The following HSPH1 variants were observed in gnomAD, a reference collection of about 807,000 sequenced individuals.
HSPH1 encodes heat shock protein 105 kDa.
In HSPH1, 40 loss-of-function variants were observed where a neutral mutation model predicts 100.0. That is an observed-to-expected ratio of 0.40 (90% CI 0.31 to 0.52). The LOEUF (loss-of-function observed/expected upper bound fraction) is 0.52, where lower values mean the gene tolerates loss of function less well. Ranked by LOEUF, HSPH1 falls within the 20% of genes least tolerant of loss-of-function variation. The probability of loss-of-function intolerance (pLI) is 0.54; values close to 1 mark genes in which losing one functional copy is unlikely to be tolerated. For missense variants in HSPH1, 876 were observed against 1,015.1 expected (o/e 0.86, Z 1.86); for synonymous variants, 403 against 344.0 (o/e 1.17, Z -1.90).
At chr13:31,150,208 G>A (rs1252682758) in intron 7 of HSPH1, 26 bp from the exon 8 acceptor site, 2 of 1,464,858 alleles carry the variant, frequency 1.4e-6, no homozygotes, top group Non-Finnish European at 9.3e-7. Context: ...CTTGTTTTTA[G>A]AAAAGTTAAG....
intron 12 of HSPH1, among the ~76,000 whole-genome samples, chr13:31,143,220 G>C (rs1020934451): frequency 6.6e-6 from 1 of 152,042 alleles, no homozygotes. Flanking sequence ...AATCTTAAAG[G>C]TTTGATTACA....
intron 12 of HSPH1, among the ~76,000 whole-genome samples, chr13:31,141,793 CACATACAT>C (rs200339584): frequency 1.4e-5 from 1 of 73,758 alleles, no homozygotes; most frequent in Non-Finnish European, 3.0e-5. Context: ...ATACTCCATA[CACATACAT>C]ACACACACAC....
chr13:31,157,154 T>A (rs1187942167), intron 2 of HSPH1, among the ~76,000 whole-genome samples: 1 of 152,248 alleles, frequency 6.6e-6, no homozygotes, highest in East Asian at 1.9e-4. Context: ...AAATTCCTTA[T>A]GTGTCTAAAA....
rs1208201896 is a variant in HSPH1 at position 31,136,661 on chromosome 13, A to G, written c.*657T>C. 2.6e-5 allele frequency: 4 copies of G among 152,688 alleles called. No individual in the cohort carries two copies. The highest frequency in any genetic ancestry group is 4.4e-5 in the Non-Finnish European group (3 of 68,068). The allele number at this position is 152,688 out of a possible 1,614,324, so 9.5% of individuals were successfully genotyped here. On this transcript the variant is annotated 3_prime_UTR_variant, in exon 18 of 18. Coordinates refer to ENST00000320027, the MANE Select transcript of HSPH1 (RefSeq NM_006644.4). ...CACCATAAGATGAACTTTATTTTAA[A>G]GCTCATAAAAGTGTTCACAATCAGT...
Position 31,139,191 on chromosome 13 carries a change from T to C in HSPH1, c.1981-84A>G, listed in dbSNP as rs138883980. ...AACAAAGAGGTATTCTCACACTAGG[T>C]AGCTAATCTTATCTAGGAAGGCACT... On this transcript the variant is annotated intron_variant, in intron 14 of 17. Transcript: ENST00000320027. 653 of 845,318 alleles carry C rather than the reference T, an allele frequency of 7.7e-4. 1 individual carries two copies. The African/African-American group carries it at 9.5e-3, about 12-fold the overall frequency. The allele number at this position is 845,318 out of a possible 1,614,324, so 52.4% of individuals were successfully genotyped here. A position where few individuals can be genotyped will look rare whatever the true frequency, so the allele number is the denominator to read the frequency against.
At chr13:31,146,299 C>T (rs1956264236) in intron 10 of HSPH1, among the ~76,000 whole-genome samples, 1 of 152,144 alleles carries the variant, frequency 6.6e-6, no homozygotes, top group South Asian at 2.1e-4. Context: ...AAAATATATA[C>T]ACTTGAAATT....
At chr13:31,157,868 A>ATTTTAGGAACT (rs1956754718) in intron 2 of HSPH1, among the ~76,000 whole-genome samples, 1 of 152,230 alleles carries the variant, frequency 6.6e-6, no homozygotes, top group Non-Finnish European at 1.5e-5. Flanking sequence ...AGGCCAATAT[A>ATTTTAGGAACT]TTTTAGGAAC....
At chr13:31,151,479 C>T in intron 6 of HSPH1, 130 bp downstream of exon 6, 1 of 857,184 alleles carries the variant, frequency 1.2e-6, no homozygotes, top group Non-Finnish European at 1.7e-6. Context: ...GCAACCGTTT[C>T]CTGTTAACAT....
chr13:31,147,637 C>T (rs865802005), intron 10 of HSPH1, among the ~76,000 whole-genome samples: 3 of 152,114 alleles, frequency 2.0e-5, no homozygotes, highest in East Asian at 1.9e-4. Flanking sequence ...ATTAAAAGCA[C>T]GGATAATCCT....
intron 2 of HSPH1, among the ~76,000 whole-genome samples, chr13:31,156,853 TTGTAA>T (rs1956717278): frequency 6.6e-6 from 1 of 152,226 alleles, no homozygotes; most frequent in Non-Finnish European, 1.5e-5. Context: ...TGTTAAACTG[TTGTAA>T]AAGATGGTGT....
intron 10 of HSPH1, among the ~76,000 whole-genome samples, chr13:31,146,944 A>C (rs1566002810): frequency 6.6e-6 from 1 of 152,210 alleles, no homozygotes. Context: ...CTATAGATTT[A>C]ATTACAATGT....
rs1955892386 is a variant in HSPH1 at position 31,136,686 on chromosome 13, T to G, written c.*632A>C. The stretch of plus-strand genomic sequence containing the variant: ...AGCTCATAAAAGTGTTCACAATCAG[T>G]TACAACAGGATCGACATTTCTTCCA... On this transcript the variant is annotated 3_prime_UTR_variant, in exon 18 of 18. Transcript: ENST00000320027. 1 of 153,104 alleles carries G rather than the reference T, an allele frequency of 6.5e-6. No homozygotes were observed. Among genetic ancestry groups the G allele is most frequent in the South Asian group, 2.1e-4 (1 of 4,844 alleles). 9.5% of individuals were successfully genotyped at this position (153,104 alleles called of 1,614,324 possible).
In HSPH1 at chr13:31,154,698, A is replaced by G. The variant is rs1201078674; in HGVS notation, c.364T>C (p.Leu122=). 1 of 1,613,852 alleles carries G rather than the reference A, an allele frequency of 6.2e-7. No homozygotes were observed. Among genetic ancestry groups the G allele is most frequent in the Non-Finnish European group, 8.5e-7 (1 of 1,179,738 alleles). Residue 122 remains leucine, a synonymous_variant, in exon 4 of 18, where the codon TTG becomes CTG. Transcript: ENST00000320027. ...FSVEQITAML[L]TKLKETAENS... ...TCAGCAGTTTCCTTCAGCTTAGTCA[A>G]CAACATGGCTGTTATCTGCTCCACA...
chr13:31,149,902 T>A, intron 8 of HSPH1, 52 bp downstream of exon 8: 3 of 1,396,144 alleles, frequency 2.1e-6, no homozygotes, highest in Non-Finnish European at 3.1e-6. Context: ...CGACATCCAG[T>A]GGAAACTGTT....
intron 12 of HSPH1, among the ~76,000 whole-genome samples, chr13:31,141,853 T>C (rs1411477617): frequency 2.6e-5 from 4 of 151,654 alleles, no homozygotes; most frequent in Admixed American, 2.0e-4. Context: ...ACCTTTGAAT[T>C]GTATCATTTC....
rs557646226 is a variant in HSPH1 at position 31,155,484 on chromosome 13, T to C, written c.306+30A>G. ...GTATTTTTAAGTATTAATAAGTTGGTATTTTTCTAAGGTTGCTCAATTATA... is the reference window on the plus strand; with the variant it reads ...GTATTTTTAAGTATTAATAAGTTGGCATTTTTCTAAGGTTGCTCAATTATA... On this transcript the variant is annotated intron_variant, in intron 3 of 17. Coordinates refer to ENST00000320027, the MANE Select transcript of HSPH1 (RefSeq NM_006644.4). 2.5e-5 allele frequency: 39 copies of C among 1,547,698 alleles called. No individual in the cohort carries two copies. The East Asian group carries it at 6.8e-4, about 27-fold the overall frequency.
chr13:31,149,925 A>T (rs779764941), intron 8 of HSPH1, 29 bp downstream of exon 8: 1 of 1,566,078 alleles, frequency 6.4e-7, no homozygotes, highest in Non-Finnish European at 8.8e-7. Context: ...AAGACTGTAC[A>T]CCAAGCAAAA....
Position 31,152,884 on chromosome 13 carries a change from T to A in HSPH1, c.497A>T (p.Asn166Ile). The A allele has an allele frequency of 1.2e-6, 2 of 1,612,572 alleles. No individual in the cohort carries two copies. The highest frequency in any genetic ancestry group is 1.7e-6 in the Non-Finnish European group (2 of 1,178,776). ...VLDAAQIVGL[N>I]CLRLMNDMTA... ...CATGTCATTCATAAGTCTTAAACAG[T>A]TTAGGCCAACAATCTGTGCAGCATC... is the stretch of plus-strand genomic sequence containing the variant. Residue 166 changes from asparagine to isoleucine, a missense_variant, in exon 5 of 18, where the codon AAC (asparagine) becomes ATC (isoleucine). Transcript: ENST00000320027.
intron 12 of HSPH1, among the ~76,000 whole-genome samples, chr13:31,141,811 C>T (rs1259749064): frequency 2.6e-5 from 4 of 151,656 alleles, no homozygotes; most frequent in Non-Finnish European, 5.9e-5. Flanking sequence ...TACACACACA[C>T]ACACACACAC....
Sources: allele counts gnomAD v4.1 joint callset (sites outside exome capture counted in the v4.1 genomes callset), GRCh38; gene constraint gnomAD v4.1.1; transcripts MANE v1.5; gene names NCBI Gene and HGNC (gene_info 2026-07-23, HGNC 2026-07-21).